Variants in HERC4 observed in about 807,000 individuals in gnomAD.
HERC4 encodes HECT and RLD domain containing E3 ubiquitin protein ligase 4.
In HERC4, 28 loss-of-function variants were observed where a neutral mutation model predicts 124.3. That is an observed-to-expected ratio of 0.23 (90% confidence interval 0.17 to 0.31). The LOEUF is 0.31. Ranked by LOEUF, HERC4 falls within the 10% of genes least tolerant of loss-of-function variation. The pLI is 1.00. For synonymous variants in HERC4, 407 were observed against 421.5 expected, an observed-to-expected ratio of 0.97 and a Z score of 0.42; for missense variants, 713 against 1,229.3, an observed-to-expected ratio of 0.58 and a Z score of 6.28.
rs750329201 is a variant in HERC4, at chr10:67,955,130, T to A, written c.2026A>T (p.Met676Leu). The A allele has an allele frequency of 6.4e-7, 1 of 1,570,806 alleles. No individual in the cohort carries two copies. Among genetic ancestry groups the A allele is most frequent in the East Asian group, 2.4e-5 (1 of 41,350 alleles). The change falls in exon 18 of 25, where the codon ATG (methionine) becomes TTG (leucine). Residue 676 changes from methionine (M) to leucine (L), a missense_variant and splice_region_variant. Coordinates refer to ENST00000373700, the MANE Select transcript of HERC4 (RefSeq NM_015601.4). ...TGCCTGTGGGCCTGATCAATAGCCA[T>A]CTGGAAAACAAAAGATTAACATTTT... is the stretch of plus-strand genomic sequence containing the variant. ...LQTDAVLQMQMAIDQAHRQNV... is the reference protein window; with the variant it reads ...LQTDAVLQMQLAIDQAHRQNV...
intron 3 of HERC4, among the ~76,000 whole-genome samples, chr10:68,049,597 A>AAAAAC (rs2040187788): frequency 6.7e-6 from 1 of 150,256 alleles, no homozygotes. Flanking sequence ...CCACAAAAAA[A>AAAAAC]AAAAAAAAAA....
intron 3 of HERC4, among the ~76,000 whole-genome samples, chr10:68,045,185 T>TACAATCCTCAAA (rs35100976): frequency 2.6e-5 from 4 of 152,016 alleles, no homozygotes; most frequent in Non-Finnish European, 5.9e-5. Flanking sequence ...GCTGGGTGTG[T>TACAATCCTCAAA]GGTGGTGCAC....
At chr10:67,938,176 C>T (rs895511604) in intron 21 of HERC4, among the ~76,000 whole-genome samples, 2 of 151,948 alleles carry the variant, frequency 1.3e-5, no homozygotes, top group African/African-American at 4.8e-5. Context: ...GGTGCTGTGG[C>T]TCACGCCTGT....
intron 3 of HERC4, among the ~76,000 whole-genome samples, chr10:68,059,537 CATAT>C (rs2040761712): frequency 1.2e-5 from 1 of 85,492 alleles, no homozygotes; most frequent in Non-Finnish European, 2.3e-5. Flanking sequence ...TATTATATAT[CATAT>C]TATATATCAT....
intron 19 of HERC4, among the ~76,000 whole-genome samples, chr10:67,943,086 A>AT (rs2033051242): frequency 6.6e-6 from 1 of 152,176 alleles, no homozygotes; most frequent in Non-Finnish European, 1.5e-5. Flanking sequence ...TATTAGGAGT[A>AT]TTACTCTGTG....
At chr10:67,966,574 G>T in intron 16 of HERC4, 109 bp downstream of exon 16, 1 of 991,200 alleles carries the variant, frequency 1.0e-6, no homozygotes, top group Non-Finnish European at 1.5e-6. Flanking sequence ...AGTAAGTTCT[G>T]GATAAAAGTT....
intron 15 of HERC4, among the ~76,000 whole-genome samples, chr10:67,973,139 T>C (rs1422239545): frequency 6.6e-6 from 1 of 152,092 alleles, no homozygotes; most frequent in African/African-American, 2.4e-5. Context: ...TTGTTTTCAA[T>C]GTTTCTGTAG....
chr10:67,994,288 A>T (rs187517475), intron 9 of HERC4: 9 of 152,314 alleles, frequency 5.9e-5, no homozygotes, highest in Non-Finnish European at 1.3e-4. Context: ...GCAGGATGTT[A>T]TTTATTTACT....
chr10:67,963,281 A>T (rs1253098091), intron 16 of HERC4, among the ~76,000 whole-genome samples: 1 of 152,016 alleles, frequency 6.6e-6, no homozygotes, highest in East Asian at 1.9e-4. Flanking sequence ...CAGTGGCGTG[A>T]TCTCAACTCA....
chr10:67,986,686 C>T (rs186925653), intron 15 of HERC4, among the ~76,000 whole-genome samples: 107 of 152,226 alleles, frequency 7.0e-4, no homozygotes, highest in Admixed American at 2.7e-3. Context: ...ATACATAAAT[C>T]TTGGAAAACT....
In HERC4 at chr10:68,038,239, G is replaced by A. The variant is rs533179598; in HGVS notation, c.387-70C>T. ...CAAATTGATCTTGAATGCTATTTATGTTATTTATTGATGGCCTACTATATG... is the reference window on the plus strand; with the variant it reads ...CAAATTGATCTTGAATGCTATTTATATTATTTATTGATGGCCTACTATATG... On this transcript the variant is annotated intron_variant, in intron 4 of 24. Transcript: ENST00000373700. The A allele has an allele frequency of 2.9e-5, 21 of 718,024 alleles. No homozygotes were observed. In the East Asian group the frequency reaches 6.0e-4, roughly 20 times the overall value. The allele number at this position is 718,024 out of a possible 1,614,324, so 44.5% of individuals were successfully genotyped here.
At chr10:67,974,917 G>C (rs886195334) in intron 15 of HERC4, among the ~76,000 whole-genome samples, 2 of 152,094 alleles carry the variant, frequency 1.3e-5, no homozygotes, top group African/African-American at 4.8e-5. Context: ...TTGGCTGGGC[G>C]CAGTGGCTCA....
chr10:68,045,984 G>A (rs1052029931), intron 3 of HERC4, among the ~76,000 whole-genome samples: 2 of 152,016 alleles, frequency 1.3e-5, no homozygotes, highest in African/African-American at 4.8e-5. Context: ...CAACTCTAAT[G>A]ATGTATTAAG....
At chr10:68,037,127 C>T (rs2039520165) in intron 5 of HERC4, among the ~76,000 whole-genome samples, 1 of 140,036 alleles carries the variant, frequency 7.1e-6, no homozygotes, top group Non-Finnish European at 1.5e-5. Flanking sequence ...CAGAGTCTCG[C>T]TCTGTCGCCC....
At chr10:68,043,177 CA>C (rs1350800755) in intron 4 of HERC4, among the ~76,000 whole-genome samples, 1 of 151,970 alleles carries the variant, frequency 6.6e-6, no homozygotes, top group Non-Finnish European at 1.5e-5. Flanking sequence ...TGAACAGCAA[CA>C]AAAGTTTAAG....
chr10:68,023,944 G>A (rs1480379368), intron 8 of HERC4, among the ~76,000 whole-genome samples: 1 of 152,052 alleles, frequency 6.6e-6, no homozygotes, highest in African/African-American at 2.4e-5. Context: ...GCACTATTAA[G>A]TAAAATATTA....
At chr10:68,010,396 C>G (rs2037873173) in intron 9 of HERC4, 2 of 986,702 alleles carry the variant, frequency 2.0e-6, no homozygotes, top group African/African-American at 1.6e-5. Context: ...GACCCAGCAG[C>G]CTCAAAATCC....
At chr10:68,000,802 C>T (rs1005959095) in intron 9 of HERC4, among the ~76,000 whole-genome samples, 12 of 152,068 alleles carry the variant, frequency 7.9e-5, no homozygotes, top group African/African-American at 2.9e-4. Context: ...AGATTGACAG[C>T]AAACCACCAG....
chr10:68,001,350 C>T (rs1351797903), intron 9 of HERC4, among the ~76,000 whole-genome samples: 1 of 149,160 alleles, frequency 6.7e-6, no homozygotes, highest in Non-Finnish European at 1.5e-5. Flanking sequence ...CTAGCCTGGG[C>T]AACAGAGTGA....
Sources: gnomAD v4.1 joint callset for allele counts (sites outside exome capture counted in the v4.1 genomes callset) on GRCh38, gnomAD v4.1.1 for gene constraint, MANE v1.5 for transcripts, NCBI Gene and HGNC (gene_info 2026-07-23, HGNC 2026-07-21) for gene names.